The following TPST1 variants were observed in gnomAD, a reference collection of about 807,000 sequenced individuals.
TPST1 encodes the protein protein-tyrosine sulfotransferase 1.
TPST1 carries 20 observed loss-of-function variants against 34.8 expected under a neutral mutation model. That is an observed-to-expected ratio of 0.57 (90% confidence interval 0.40 to 0.84). The LOEUF (loss-of-function observed/expected upper bound fraction) is 0.84, where lower values mean the gene tolerates loss of function less well. Ranked by LOEUF, TPST1 falls within the 40% of genes least tolerant of loss-of-function variation. TPST1 has a pLI of 0.00. For synonymous variants in TPST1, 152 were observed against 159.4 expected (o/e 0.95, Z 0.35); for missense variants, 353 against 455.5 (o/e 0.78, Z 2.05).
intron 3 of TPST1, among the ~76,000 whole-genome samples, chr7:66,350,109 G>A (rs1173952445): frequency 6.6e-6 from 1 of 152,128 alleles, no homozygotes; most frequent in Non-Finnish European, 1.5e-5. Context: ...CGCCTCCCAG[G>A]TTTGAGCAAT....
chr7:66,357,757 C>T (rs1441011528), intron 5 of TPST1, among the ~76,000 whole-genome samples: 1 of 152,180 alleles, frequency 6.6e-6, no homozygotes, highest in Non-Finnish European at 1.5e-5. Flanking sequence ...GTGGCAAAGC[C>T]TTTGATCAGT....
At chr7:66,219,383 G>A (rs1789493472) in intron 1 of TPST1, among the ~76,000 whole-genome samples, 1 of 152,160 alleles carries the variant, frequency 6.6e-6, no homozygotes. Context: ...GAAAGGTAGA[G>A]CTATTTGCCA....
Position 66,356,866 on chromosome 7 carries a change from C to T in TPST1, c.*24C>T. The T allele has an allele frequency of 3.7e-6, 6 of 1,614,154 alleles. No homozygotes were observed. The highest frequency in any genetic ancestry group is 5.1e-6 in the Non-Finnish European group (6 of 1,180,008). ...AGCAGAACCAGGAGCCTCTTCCATA[C>T]ATGAGGTGAGGGTTGGGGGACATTG... is the stretch of plus-strand genomic sequence containing the variant. On this transcript the variant is annotated 3_prime_UTR_variant, in exon 5 of 6. Coordinates refer to ENST00000304842, the MANE Select transcript of TPST1 (RefSeq NM_003596.4).
At chr7:66,211,989 C>CG (rs1453181144) in intron 1 of TPST1, among the ~76,000 whole-genome samples, 1 of 151,904 alleles carries the variant, frequency 6.6e-6, no homozygotes, top group Admixed American at 6.6e-5. Flanking sequence ...AAAAAAACCC[C>CG]GAAACAATCT....
At chr7:66,236,503 A>G (rs1160434027) in intron 1 of TPST1, among the ~76,000 whole-genome samples, 1 of 152,170 alleles carries the variant, frequency 6.6e-6, no homozygotes, top group Non-Finnish European at 1.5e-5. Flanking sequence ...ATTTAAGTAT[A>G]TATACTTAAT....
chr7:66,320,979 C>T (rs1390705041), intron 3 of TPST1, among the ~76,000 whole-genome samples: 1 of 152,208 alleles, frequency 6.6e-6, no homozygotes, highest in African/African-American at 2.4e-5. Context: ...TGTTGATACA[C>T]AGTATCTTTG....
At chr7:66,351,563 G>C (rs1792479023) in intron 3 of TPST1, among the ~76,000 whole-genome samples, 1 of 151,698 alleles carries the variant, frequency 6.6e-6, no homozygotes, top group Non-Finnish European at 1.5e-5. Context: ...ATATCTGGTA[G>C]AATAAGTTCT....
intron 5 of TPST1, among the ~76,000 whole-genome samples, chr7:66,358,573 C>T (rs778416574): frequency 3.3e-5 from 5 of 152,174 alleles, no homozygotes; most frequent in Non-Finnish European, 7.4e-5. Flanking sequence ...ACTTGCGGTG[C>T]GTTGATGGAT....
intron 2 of TPST1, among the ~76,000 whole-genome samples, chr7:66,248,978 A>G (rs1790209570): frequency 6.6e-6 from 1 of 152,018 alleles, no homozygotes; most frequent in East Asian, 1.9e-4. Context: ...GCATCTAGTA[A>G]GGGCCTGCTG....
At chr7:66,319,945 C>T (rs1295036898) in intron 3 of TPST1, among the ~76,000 whole-genome samples, 2 of 152,186 alleles carry the variant, frequency 1.3e-5, no homozygotes, top group Non-Finnish European at 2.9e-5. Context: ...ATTCCCTCCT[C>T]CTCTTTACTT....
At chr7:66,222,580 A>AGAC (rs1789566953) in intron 1 of TPST1, among the ~76,000 whole-genome samples, 1 of 152,204 alleles carries the variant, frequency 6.6e-6, no homozygotes, top group African/African-American at 2.4e-5. Context: ...TGTGCAGGAA[A>AGAC]GACGAAAAAA....
At chr7:66,252,977 A>G (rs1790299460) in intron 2 of TPST1, among the ~76,000 whole-genome samples, 1 of 152,202 alleles carries the variant, frequency 6.6e-6, no homozygotes, top group Non-Finnish European at 1.5e-5. Context: ...AAATACAGTC[A>G]GTACTTTGGA....
intron 1 of TPST1, among the ~76,000 whole-genome samples, chr7:66,210,170 A>G (rs1789214167): frequency 3.9e-5 from 6 of 152,124 alleles, no homozygotes; most frequent in Admixed American, 3.9e-4. Context: ...TGTATAGGTG[A>G]GAGAGAGGGA....
chr7:66,354,375 G>A (rs1287141442), intron 4 of TPST1, among the ~76,000 whole-genome samples: 2 of 149,998 alleles, frequency 1.3e-5, no homozygotes, highest in South Asian at 2.1e-4. Flanking sequence ...GGAGGCCCAG[G>A]TGGGTGGATT....
chr7:66,354,113 C>T (rs566206718), intron 4 of TPST1, among the ~76,000 whole-genome samples: 7 of 152,184 alleles, frequency 4.6e-5, no homozygotes, highest in African/African-American at 1.7e-4. Context: ...TCAGGAGTCA[C>T]GGGGGAAAGA....
At chr7:66,210,330 C>T (rs62465527) in intron 1 of TPST1, among the ~76,000 whole-genome samples, 5,599 of 152,238 alleles carry the variant, frequency 0.037, 164 homozygotes, top group East Asian at 0.088. Flanking sequence ...CCCAGGAAAT[C>T]GCCTGAGAGA....
chr7:66,274,815 T>C (rs558967338), intron 2 of TPST1, among the ~76,000 whole-genome samples: 4 of 152,238 alleles, frequency 2.6e-5, no homozygotes, highest in East Asian at 3.9e-4. Flanking sequence ...CCAACAGTTA[T>C]ATGAAAAAAA....
rs1792014234 is a variant in TPST1, at chr7:66,332,390, C to T, written c.1045-20115C>T. Among the ~76,000 whole-genome samples the T allele has an allele frequency of 6.6e-6, 1 of 151,994 alleles. No homozygotes were observed. The highest frequency in any genetic ancestry group is 2.4e-5 in the African/African-American group (1 of 41,392). On this transcript the variant is annotated intron_variant, in intron 3 of 5. Coordinates refer to ENST00000304842, the MANE Select transcript of TPST1 (RefSeq NM_003596.4). This position sits in a 1 kb window ranked among gnomAD's most constrained non-coding sequence, Gnocchi z 4.5. ...TCAAGCGATTCTCCTGCCTCAGCCT[C>T]CCGAGTAGCTGGGATTACAGGTGCC...
intron 1 of TPST1, among the ~76,000 whole-genome samples, chr7:66,226,703 C>G (rs938709485): frequency 1.3e-5 from 2 of 152,074 alleles, no homozygotes; most frequent in Non-Finnish European, 2.9e-5. Context: ...TAAAATACAG[C>G]AAAAATTAAA....
Sources: gnomAD v4.1 joint callset for allele counts (sites outside exome capture counted in the v4.1 genomes callset) on GRCh38, gnomAD v4.1.1 for gene constraint, Gnocchi (gnomAD v3.1) non-coding constraint, MANE v1.5 for transcripts, NCBI Gene and HGNC (gene_info 2026-07-23, HGNC 2026-07-21) for gene names.